The following MTOR variants were observed in gnomAD, a reference collection of about 807,000 sequenced individuals.
The protein encoded by MTOR is serine/threonine-protein kinase mTOR.
In MTOR, 70 loss-of-function variants were observed where a neutral mutation model predicts 319.8. The ratio of observed to expected loss-of-function variants is 0.22; its 90% confidence interval spans 0.18 to 0.27. The LOEUF (loss-of-function observed/expected upper bound fraction) is 0.27, where lower values mean the gene tolerates loss of function less well. Ranked by LOEUF, MTOR falls within the 10% of genes least tolerant of loss-of-function variation. The pLI is 1.00. For missense variants in MTOR, 1,890 were observed against 3,274.4 expected, an observed-to-expected ratio of 0.58 and a Z score of 10.32; for synonymous variants, 1,183 against 1,211.4, an observed-to-expected ratio of 0.98 and a Z score of 0.49.
chr1:11,191,989 C>T, intron 28 of MTOR, among the ~76,000 whole-genome samples: 1 of 152,138 alleles, frequency 6.6e-6, no homozygotes, highest in African/African-American at 2.4e-5. Context: ...CCAGCTATAG[C>T]AGAATAATTT....
chr1:11,210,948 A>G (rs1421597133), intron 23 of MTOR, 42 bp from the exon 24 acceptor site: 24 of 1,266,936 alleles, frequency 1.9e-5, no homozygotes, highest in Non-Finnish European at 2.8e-5. Flanking sequence ...ATCATTTTGG[A>G]GAGTGGAGAA....
intron 49 of MTOR, among the ~76,000 whole-genome samples, chr1:11,119,337 C>T (rs562666798): frequency 5.3e-5 from 8 of 151,542 alleles, no homozygotes; most frequent in East Asian, 3.9e-4. Flanking sequence ...GAGGCTGAGG[C>T]GGGCGGATCA....
At chr1:11,237,128 G>A (rs1647313236) in intron 13 of MTOR, among the ~76,000 whole-genome samples, 1 of 152,120 alleles carries the variant, frequency 6.6e-6, no homozygotes, top group Admixed American at 6.6e-5. Flanking sequence ...GTGAGCAATG[G>A]GGACAGGAAA....
chr1:11,225,629 C>T (rs1391858858), intron 19 of MTOR, among the ~76,000 whole-genome samples: 1 of 152,024 alleles, frequency 6.6e-6, no homozygotes, highest in East Asian at 1.9e-4. Context: ...TCCATGTTGG[C>T]CAGGCTGGAG....
intron 30 of MTOR, among the ~76,000 whole-genome samples, chr1:11,155,498 CTGAAGGA>C (rs1421953777): frequency 1.3e-5 from 2 of 152,186 alleles, no homozygotes; most frequent in African/African-American, 4.8e-5. Flanking sequence ...TGACCTTCCC[CTGAAGGA>C]GGTCATAAGG....
chr1:11,236,382 G>A (rs564928965), intron 13 of MTOR, among the ~76,000 whole-genome samples: 31 of 151,982 alleles, frequency 2.0e-4, no homozygotes, highest in African/African-American at 6.8e-4. Context: ...CCTGTGATCC[G>A]CCTGCCTTGG....
chr1:11,114,612 T>G (rs939274747), intron 52 of MTOR, 159 bp from the exon 53 acceptor site: 12 of 1,144,408 alleles, frequency 1.0e-5, no homozygotes, highest in Non-Finnish European at 1.5e-5. Flanking sequence ...AGGACTGTGA[T>G]CCACAGGAAA....
intron 25 of MTOR, among the ~76,000 whole-genome samples, chr1:11,206,404 C>CG (rs2100771564): frequency 6.6e-6 from 1 of 152,302 alleles, no homozygotes; most frequent in African/African-American, 2.4e-5. Context: ...CCCAGCTCCA[C>CG]CATTGATGCT....
chr1:11,119,618 C>T (rs1220991293), intron 49 of MTOR, among the ~76,000 whole-genome samples: 1 of 143,568 alleles, frequency 7.0e-6, no homozygotes, highest in East Asian at 2.0e-4. Flanking sequence ...TGGTGGCACG[C>T]GCCTGTAATT....
intron 17 of MTOR, 100 bp from the exon 18 acceptor site, chr1:11,231,154 T>C: frequency 6.3e-7 from 1 of 1,594,412 alleles, no homozygotes; most frequent in South Asian, 1.1e-5. Flanking sequence ...CCCCAGTTCA[T>C]ATCCAAATGA....
Position 11,128,648 on chromosome 1 carries a change from G to A in MTOR, c.5812-96C>T, listed in dbSNP as rs145968110. On this transcript the variant is annotated intron_variant, in intron 41 of 57. Transcript: ENST00000361445. The surrounding 1 kb of genome is among the most constrained non-coding windows in gnomAD (Gnocchi z 5.3). Reference sequence around the variant, plus strand: ...TCAATTCTTTTAACTTGTTTCGGTTGATGCTCTGAAATGGTTCATTCCCTT... The same window carrying A: ...TCAATTCTTTTAACTTGTTTCGGTTAATGCTCTGAAATGGTTCATTCCCTT... The A allele has an allele frequency of 2.2e-4, 279 of 1,294,670 alleles. No homozygotes were observed. Among genetic ancestry groups the A allele is most frequent in the Admixed American group, 3.9e-4 (21 of 54,030 alleles). 80.2% of individuals were successfully genotyped at this position (1,294,670 alleles called of 1,614,324 possible). A position where few individuals can be genotyped will look rare whatever the true frequency, so the allele number is the denominator to read the frequency against.
At chr1:11,243,047 T>C in intron 9 of MTOR, 67 bp downstream of exon 9, 1 of 1,577,010 alleles carries the variant, frequency 6.3e-7, no homozygotes, top group Admixed American at 1.8e-5. Flanking sequence ...TCCGTGGATC[T>C]GAAATAGAGC....
intron 47 of MTOR, among the ~76,000 whole-genome samples, chr1:11,123,790 T>C (rs1642669180): frequency 6.6e-6 from 1 of 151,674 alleles, no homozygotes; most frequent in African/African-American, 2.4e-5. Flanking sequence ...TTCCTTACTT[T>C]AGTTATTTAT....
At chr1:11,181,469 G>A (rs560792035) in intron 28 of MTOR, among the ~76,000 whole-genome samples, 3 of 152,286 alleles carry the variant, frequency 2.0e-5, no homozygotes, top group African/African-American at 4.8e-5. Context: ...AGGTTGCACT[G>A]AGCTGAGACC....
At chr1:11,221,909 G>A (rs1646675069) in intron 19 of MTOR, among the ~76,000 whole-genome samples, 1 of 150,344 alleles carries the variant, frequency 6.7e-6, no homozygotes, top group Admixed American at 6.6e-5. Flanking sequence ...GAGTGACTGT[G>A]CAACCAACTT....
At chr1:11,178,489 C>T (rs978648386) in intron 28 of MTOR, among the ~76,000 whole-genome samples, 8 of 152,188 alleles carry the variant, frequency 5.3e-5, no homozygotes, top group Admixed American at 1.3e-4. Context: ...GCAGGCACAC[C>T]GCTCCCAGCA....
intron 45 of MTOR, 62 bp downstream of exon 45, chr1:11,126,948 A>T: frequency 1.2e-6 from 2 of 1,600,780 alleles, no homozygotes; most frequent in Non-Finnish European, 1.7e-6. Flanking sequence ...GAACATTCAT[A>T]GACAGTAAAA....
At chr1:11,218,919 C>T (rs1045994669) in intron 19 of MTOR, among the ~76,000 whole-genome samples, 1 of 152,138 alleles carries the variant, frequency 6.6e-6, no homozygotes, top group Non-Finnish European at 1.5e-5. Flanking sequence ...ATTATTAGAA[C>T]TGAAGTGGCC....
At position 11,128,124 on chromosome 1, in the gene MTOR, G is replaced by A. The variant is rs2100414550; in HGVS notation, c.5913C>T (p.Ala1971=). ...LTDIGRYHPQ[A]LIYPLTVASK... is the part of the protein sequence containing the mutation. ...AAGCCACTGTCAGTGGGTAGATGAG[G>A]GCCTGAGGGAAAAACAGAAGAAACA... is the stretch of plus-strand genomic sequence containing the variant. Residue 1971 remains alanine (A), a splice_region_variant and synonymous_variant, in exon 43 of 58, where the codon GCC becomes GCT. Transcript: ENST00000361445. This position sits in a 1 kb window ranked among gnomAD's most constrained non-coding sequence, Gnocchi z 5.3. 6.2e-7 allele frequency: 1 copy of A among 1,613,828 alleles called. No homozygotes were observed. Among genetic ancestry groups the A allele is most frequent in the Non-Finnish European group, 8.5e-7 (1 of 1,179,940 alleles).
Sources: allele counts gnomAD v4.1 joint callset (sites outside exome capture counted in the v4.1 genomes callset), GRCh38; gene constraint gnomAD v4.1.1; non-coding constraint Gnocchi (gnomAD v3.1); transcripts MANE v1.5; gene names NCBI Gene and HGNC (gene_info 2026-07-23, HGNC 2026-07-21).